The following DGKB variants were observed in gnomAD, a reference collection of about 807,000 sequenced individuals.
The protein encoded by DGKB is 90 kDa diacylglycerol kinase.
In DGKB, 67 loss-of-function variants were observed where a neutral mutation model predicts 114.3. The observed-to-expected ratio is 0.59, with a 90% CI of 0.48 to 0.72. The LOEUF (loss-of-function observed/expected upper bound fraction) is 0.72. Among genes scored for constraint, DGKB ranks in the 30% least tolerant of loss-of-function variants. DGKB has a pLI of 0.00. For missense variants in DGKB, 907 were observed against 975.2 expected (o/e 0.93, Z 0.93); for synonymous variants, 398 against 323.1 (o/e 1.23, Z -2.49).
intron 21 of DGKB, among the ~76,000 whole-genome samples, chr7:14,426,946 G>C (rs1225400992): frequency 6.6e-6 from 1 of 151,938 alleles, no homozygotes; most frequent in Admixed American, 6.6e-5. Flanking sequence ...TGTAATCCCA[G>C]CTACTTAAGA....
At chr7:14,445,079 C>T (rs375873738) in intron 21 of DGKB, among the ~76,000 whole-genome samples, 3 of 151,784 alleles carry the variant, frequency 2.0e-5, no homozygotes, top group African/African-American at 4.8e-5. Flanking sequence ...GTTCCCACCT[C>T]GGTCACTTAT....
intron 1 of DGKB, among the ~76,000 whole-genome samples, chr7:14,946,934 C>A (rs1318558644): frequency 6.6e-6 from 1 of 151,368 alleles, no homozygotes; most frequent in East Asian, 1.9e-4. Flanking sequence ...TAAAACACTT[C>A]AAAATGAAAT....
chr7:14,231,082 C>CCTTT (rs201778587), intron 23 of DGKB, among the ~76,000 whole-genome samples: 4,555 of 121,556 alleles, frequency 0.037, 126 homozygotes, highest in East Asian at 0.061. Flanking sequence ...TTCTTCTTTC[C>CCTTT]CTTTCTTTCT....
intron 1 of DGKB, among the ~76,000 whole-genome samples, chr7:14,949,201 T>A (rs1454628926): frequency 6.6e-6 from 1 of 151,944 alleles, no homozygotes; most frequent in African/African-American, 2.4e-5. Flanking sequence ...CAATCTCATT[T>A]ATAATAAGGA....
intron 23 of DGKB, among the ~76,000 whole-genome samples, chr7:14,204,327 G>C (rs921934324): frequency 2.0e-5 from 3 of 151,984 alleles, no homozygotes; most frequent in East Asian, 3.9e-4. Flanking sequence ...GTTTAATCCT[G>C]ATGTGGCCCA....
chr7:14,492,642 G>A (rs1227690395), intron 20 of DGKB, among the ~76,000 whole-genome samples: 2 of 151,942 alleles, frequency 1.3e-5, no homozygotes, highest in East Asian at 3.9e-4. Flanking sequence ...GCCATGATGG[G>A]TTTCTACAGT....
intron 20 of DGKB, among the ~76,000 whole-genome samples, chr7:14,564,620 C>G (rs10226701): frequency 0.59 from 89,243 of 151,976 alleles, 26,620 homozygotes; most frequent in East Asian, 0.92. Flanking sequence ...AAAAATTCCT[C>G]TTGAAAATTT....
At position 14,170,086 on chromosome 7, in the gene DGKB, A is replaced by T. The variant is rs571624468; in HGVS notation, c.2304+6753T>A. Among the ~76,000 whole-genome samples the T allele has an allele frequency of 2.0e-5, 3 of 149,098 alleles. No individual in the cohort carries two copies. The South Asian group carries it at 6.4e-4, about 32-fold the overall frequency. On this transcript the variant is annotated intron_variant, in intron 25 of 25. Transcript: ENST00000402815. ...GAGGTGGATGTTGCGGTGAGCCGAG[A>T]TCACACCATTGCACTCCAGCCTGGG...
rs73287770 is a variant in DGKB at position 14,544,039 on chromosome 7, C to T, written c.1770+30173G>A. On this transcript the variant is annotated intron_variant, in intron 20 of 25. Transcript: ENST00000402815. ...GCTATTAGTATATGATTTTTATTTC[C>T]GTAGAATTAAGGGATTATTTCTGAG... 7.2e-3 allele frequency among the ~76,000 whole-genome samples: 1,099 copies of T among 152,002 alleles called. 17 individuals are homozygous for T. Among genetic ancestry groups the T allele is most frequent in the African/African-American group, 0.025 (1,046 of 41,442 alleles).
At chr7:14,960,536 G>T (rs530769048) in intron 1 of DGKB, among the ~76,000 whole-genome samples, 1 of 151,964 alleles carries the variant, frequency 6.6e-6, no homozygotes, top group African/African-American at 2.4e-5. Context: ...TAGTGCTGTG[G>T]TAAAGGCAAA....
chr7:14,964,586 A>G (rs1787046184), intron 1 of DGKB, among the ~76,000 whole-genome samples: 1 of 152,174 alleles, frequency 6.6e-6, no homozygotes, highest in Non-Finnish European at 1.5e-5. Flanking sequence ...CAGTAAATCA[A>G]TGATCTTGCA....
intron 21 of DGKB, among the ~76,000 whole-genome samples, chr7:14,355,417 T>A (rs1044614696): frequency 2.0e-5 from 3 of 152,226 alleles, no homozygotes; most frequent in African/African-American, 7.2e-5. Flanking sequence ...TGTGGATGTG[T>A]CATAAATTGC....
intron 23 of DGKB, among the ~76,000 whole-genome samples, chr7:14,292,745 T>C (rs997469647): frequency 6.6e-6 from 1 of 152,188 alleles, no homozygotes; most frequent in African/African-American, 2.4e-5. Context: ...TCTGTGTACC[T>C]GCTGCTGTCT....
intron 20 of DGKB, among the ~76,000 whole-genome samples, chr7:14,572,267 C>A (rs1296585494): frequency 6.7e-6 from 1 of 149,628 alleles, no homozygotes; most frequent in African/African-American, 2.5e-5. Flanking sequence ...TCCTGGCTAA[C>A]CCCGTATCTA....
At chr7:14,729,312 C>G (rs553145576) in intron 5 of DGKB, among the ~76,000 whole-genome samples, 11 of 150,984 alleles carry the variant, frequency 7.3e-5, no homozygotes, top group Admixed American at 2.0e-4. Context: ...TTAGTAGAGA[C>G]CAGGTTTCAC....
intron 2 of DGKB, among the ~76,000 whole-genome samples, chr7:14,771,148 G>A (rs1285357589): frequency 2.6e-5 from 4 of 152,082 alleles, no homozygotes; most frequent in Non-Finnish European, 4.4e-5. Context: ...TAAATTTACT[G>A]AGGCTCCAGA....
intron 19 of DGKB, among the ~76,000 whole-genome samples, chr7:14,578,301 G>A (rs1799456208): frequency 6.6e-6 from 1 of 152,080 alleles, no homozygotes; most frequent in Non-Finnish European, 1.5e-5. Context: ...TGTCTTTATA[G>A]CAGTGTGAGA....
chr7:14,552,794 T>C (rs1446899969), intron 20 of DGKB, among the ~76,000 whole-genome samples: 2 of 152,184 alleles, frequency 1.3e-5, no homozygotes, highest in Non-Finnish European at 2.9e-5. Flanking sequence ...GATTCTATAG[T>C]TCTCAGATGT....
At chr7:14,656,366 T>TA (rs1815785525) in intron 13 of DGKB, among the ~76,000 whole-genome samples, 2 of 151,612 alleles carry the variant, frequency 1.3e-5, no homozygotes, top group South Asian at 4.1e-4. Flanking sequence ...TTTCTACCTA[T>TA]AATAGGTTTT....
Sources: gnomAD v4.1 joint callset for allele counts (sites outside exome capture counted in the v4.1 genomes callset) on GRCh38, gnomAD v4.1.1 for gene constraint, MANE v1.5 for transcripts, NCBI Gene and HGNC (gene_info 2026-07-23, HGNC 2026-07-21) for gene names.